HHAT: variants seen among roughly 807,000 people sequenced by gnomAD.
The protein encoded by HHAT is protein-cysteine N-palmitoyltransferase HHAT.
A neutral mutation model predicts 70.8 loss-of-function variants in HHAT; 47 were observed. The ratio of observed to expected loss-of-function variants is 0.66; its 90% confidence interval spans 0.53 to 0.85. The LOEUF (loss-of-function observed/expected upper bound fraction) is 0.85. Ranked by LOEUF, HHAT falls within the 40% of genes least tolerant of loss-of-function variation. The pLI, the probability that HHAT is intolerant of heterozygous loss-of-function variation, is 0.00. For missense variants in HHAT, 609 were observed against 604.8 expected, an observed-to-expected ratio of 1.01 and a Z score of -0.07; for synonymous variants, 228 against 247.6, an observed-to-expected ratio of 0.92 and a Z score of 0.74.
At chr1:210,643,652 T>C in intron 11 of HHAT, among the ~76,000 whole-genome samples, 1 of 151,994 alleles carries the variant, frequency 6.6e-6, no homozygotes, top group East Asian at 1.9e-4. Context: ...GCAGATTTTG[T>C]GTGAACGACC....
chr1:210,385,850 T>C (rs1181502293), intron 3 of HHAT, among the ~76,000 whole-genome samples: 1 of 152,164 alleles, frequency 6.6e-6, no homozygotes, highest in Non-Finnish European at 1.5e-5. Flanking sequence ...TATGCTCTTA[T>C]TTAAGCCTCA....
chr1:210,543,873 A>G (rs1310520434), intron 9 of HHAT, among the ~76,000 whole-genome samples: 7 of 152,086 alleles, frequency 4.6e-5, no homozygotes, highest in Non-Finnish European at 8.8e-5. Context: ...GAGGCCTCAT[A>G]TCCAGTCCCA....
intron 11 of HHAT, among the ~76,000 whole-genome samples, chr1:210,650,917 A>G (rs1020191015): frequency 6.6e-6 from 1 of 152,194 alleles, no homozygotes; most frequent in African/African-American, 2.4e-5. Flanking sequence ...ATATTCTCAT[A>G]TTATAAATTT....
intron 11 of HHAT, among the ~76,000 whole-genome samples, chr1:210,631,752 T>C (rs1471245937): frequency 6.6e-6 from 1 of 152,234 alleles, no homozygotes; most frequent in East Asian, 1.9e-4. Flanking sequence ...GGTTCTTGTC[T>C]TTGCAGTGAA....
At chr1:210,450,592 T>C (rs1158681581) in intron 7 of HHAT, among the ~76,000 whole-genome samples, 1 of 148,168 alleles carries the variant, frequency 6.7e-6, no homozygotes, top group Non-Finnish European at 1.5e-5. Context: ...CTTTTATAAT[T>C]GGTACATTGT....
rs778202949 is a variant in HHAT, at chr1:210,587,965, A to G, written c.1111A>G (p.Thr371Ala). 6.2e-7 allele frequency: 1 copy of G among 1,614,148 alleles called. No homozygotes were observed. The highest frequency in any genetic ancestry group is 1.1e-5 in the South Asian group (1 of 91,082). Residue 371 changes from threonine to alanine, a missense_variant, in exon 10 of 12, where the codon ACA becomes GCA. By Grantham distance (58) the Thr-to-Ala change is moderately conservative. Transcript: ENST00000261458. ...GGGGACACTGTTTTCCACGGCGATG[A>G]CATTTGCATTTGTGAGCTACTGGCA... is the stretch of plus-strand genomic sequence containing the variant. ...LLGTLFSTAM[T>A]FAFVSYWHGG...
intron 7 of HHAT, among the ~76,000 whole-genome samples, chr1:210,427,887 G>A (rs760767275): frequency 4.6e-5 from 7 of 151,994 alleles, no homozygotes; most frequent in Middle Eastern, 6.8e-3. Flanking sequence ...TAATATTGTC[G>A]GTGGTGTGTT....
chr1:210,664,503 G>T (rs927272126), intron 11 of HHAT, among the ~76,000 whole-genome samples: 1 of 152,230 alleles, frequency 6.6e-6, no homozygotes, highest in African/African-American at 2.4e-5. Context: ...GGGCCAGTGT[G>T]TTTCCAGATC....
At chr1:210,385,188 C>CATGATTTCT (rs1558407045) in intron 3 of HHAT, among the ~76,000 whole-genome samples, 1 of 150,292 alleles carries the variant, frequency 6.7e-6, no homozygotes, top group Non-Finnish European at 1.5e-5. Context: ...AGCTTGGGGT[C>CATGATTTCT]ATGAATTCTA....
At chr1:210,375,365 A>G (rs2090104749) in intron 3 of HHAT, among the ~76,000 whole-genome samples, 1 of 151,990 alleles carries the variant, frequency 6.6e-6, no homozygotes, top group Admixed American at 6.5e-5. Context: ...TTCTGCAATG[A>G]CCCTTTTTGA....
At chr1:210,442,550 G>A (rs1232280499) in intron 7 of HHAT, among the ~76,000 whole-genome samples, 2 of 151,588 alleles carry the variant, frequency 1.3e-5, no homozygotes, top group Non-Finnish European at 2.9e-5. Context: ...ATTCTAACTG[G>A]TGTGAGATGG....
At chr1:210,454,463 A>C (rs1252091629) in intron 7 of HHAT, among the ~76,000 whole-genome samples, 9 of 152,144 alleles carry the variant, frequency 5.9e-5, no homozygotes. Context: ...CTGAGGCAGG[A>C]GAATGGCATG....
chr1:210,638,233 T>G (rs193243303), intron 11 of HHAT, among the ~76,000 whole-genome samples: 1 of 152,348 alleles, frequency 6.6e-6, no homozygotes, highest in East Asian at 1.9e-4. Context: ...ACACAACACT[T>G]GTATGTGAAT....
chr1:210,411,920 T>C (rs1380464863), intron 6 of HHAT, among the ~76,000 whole-genome samples: 1 of 152,210 alleles, frequency 6.6e-6, no homozygotes, highest in African/African-American at 2.4e-5. Flanking sequence ...TTCAGACGGC[T>C]ATAACAAAAT....
chr1:210,480,665 T>C lies in HHAT; in HGVS notation c.1007+16010T>C, dbSNP rs551967300. Among the ~76,000 whole-genome samples the C allele has an allele frequency of 1.1e-4, 16 of 152,302 alleles. 2 individuals carry two copies. In the South Asian group the frequency reaches 3.1e-3, roughly 30 times the overall value. On this transcript the variant is annotated intron_variant, in intron 8 of 11. Coordinates refer to ENST00000261458, the MANE Select transcript of HHAT (RefSeq NM_018194.6). ...TTGCACTTTCCATCTACAGTCTGCC[T>C]CTAGAAACCTGGCAGCTGTCTACCT...
chr1:210,412,205 G>A (rs1055447366), intron 6 of HHAT, among the ~76,000 whole-genome samples: 22 of 152,082 alleles, frequency 1.4e-4, no homozygotes, highest in African/African-American at 4.8e-4. Context: ...TACCTTGGGG[G>A]TTAGGATTTC....
intron 3 of HHAT, among the ~76,000 whole-genome samples, chr1:210,381,771 A>T (rs1452062450): frequency 6.6e-6 from 1 of 152,178 alleles, no homozygotes; most frequent in Non-Finnish European, 1.5e-5. Context: ...TTACAAAAAA[A>T]ATCCAAAAAG....
upstream of HHAT, chr1:210,328,145 T>G (rs1057502955): frequency 6.6e-5 from 10 of 152,330 alleles, no homozygotes; most frequent in African/African-American, 2.4e-4. Flanking sequence ...GCCCCTGCCA[T>G]GGACAGTCTG....
chr1:210,611,869 G>T (rs1666650220), intron 10 of HHAT, among the ~76,000 whole-genome samples: 1 of 152,114 alleles, frequency 6.6e-6, no homozygotes, highest in South Asian at 2.1e-4. Flanking sequence ...CTTGATTGTG[G>T]TGCATAAGCT....
Sources: allele counts gnomAD v4.1 joint callset (sites outside exome capture counted in the v4.1 genomes callset), GRCh38; gene constraint gnomAD v4.1.1; transcripts MANE v1.5; gene names NCBI Gene and HGNC (gene_info 2026-07-23, HGNC 2026-07-21).